The following NEK6 variants were observed in gnomAD, a reference collection of about 807,000 sequenced individuals.
NEK6 encodes the protein NIMA related kinase 6, also known as serine/threonine-protein kinase Nek6.
NEK6 carries 27 observed loss-of-function variants against 43.5 expected under a neutral mutation model. The observed-to-expected ratio is 0.62, with a 90% CI of 0.46 to 0.86. NEK6 has a LOEUF of 0.86. NEK6 is among the 40% of genes least tolerant of loss of function. NEK6 has a pLI of 0.00. For synonymous variants in NEK6, 167 were observed against 164.1 expected, an observed-to-expected ratio of 1.02 and a Z score of -0.14; for missense variants, 318 against 414.4, an observed-to-expected ratio of 0.77 and a Z score of 2.02.
rs543905862 is a variant in NEK6, at chr9:124,339,990, C to T, written c.717+325C>T. Among the ~76,000 whole-genome samples, 16 of 152,340 alleles carry T rather than the reference C, an allele frequency of 1.1e-4. No homozygotes were observed. In the East Asian group the frequency reaches 2.1e-3, roughly 20 times the overall value. ...CCTGGTAACCACATTAACACACCGG[C>T]GATTCTGTTCATCCTTTATTATGGG... On this transcript the variant is annotated intron_variant, in intron 8 of 9. Transcript: ENST00000320246.
intron 7 of NEK6, among the ~76,000 whole-genome samples, chr9:124,336,267 CAAG>C (rs1285023369): frequency 2.0e-5 from 3 of 152,014 alleles, no homozygotes; most frequent in African/African-American, 2.4e-5. Context: ...AAAGAAAAAA[CAAG>C]AATATAATCA....
At chr9:124,320,316 G>A (rs1834003844) in intron 4 of NEK6, among the ~76,000 whole-genome samples, 4 of 152,218 alleles carry the variant, frequency 2.6e-5, no homozygotes, top group African/African-American at 7.2e-5. Context: ...GCCTGCTCTG[G>A]CCCCCAGGGC....
chr9:124,319,401 A>G (rs1434862627), intron 4 of NEK6, among the ~76,000 whole-genome samples: 1 of 151,928 alleles, frequency 6.6e-6, no homozygotes, highest in African/African-American at 2.4e-5. Flanking sequence ...CATTCTGTCA[A>G]TTGTCTGTTT....
rs536636282 is a variant in NEK6 at position 124,298,021 on chromosome 9, C to G, written c.-29-3915C>G. ...CCAAGAGGCAGTAGATTCCTTGGAACAAAGAGGGAGTTTAGAGTCACTGAG... is the reference window on the plus strand; with the variant it reads ...CCAAGAGGCAGTAGATTCCTTGGAAGAAAGAGGGAGTTTAGAGTCACTGAG... On this transcript the variant is annotated intron_variant, in intron 1 of 9. Coordinates refer to ENST00000320246, the MANE Select transcript of NEK6 (RefSeq NM_014397.6). 2.0e-5 allele frequency among the ~76,000 whole-genome samples: 3 copies of G among 152,326 alleles called. No homozygotes were observed. In the East Asian group the frequency reaches 5.8e-4, roughly 29 times the overall value.
chr9:124,326,607 C>T lies in NEK6; in HGVS notation c.514+169C>T, dbSNP rs1834352312. ...ACCGCGCACACACACGCGCCCGGGT[C>T]AGGAACCTCCCCGAGGTGGAAAGTG... On this transcript the variant is annotated intron_variant, in intron 6 of 9. Coordinates refer to ENST00000320246, the MANE Select transcript of NEK6 (RefSeq NM_014397.6). The surrounding 1 kb of genome is among the most constrained non-coding windows in gnomAD (Gnocchi z 4.5). Among the ~76,000 whole-genome samples, 1 of 152,192 alleles carries T rather than the reference C, an allele frequency of 6.6e-6. No homozygotes were observed.
chr9:124,309,775 A>G (rs1833439503), intron 2 of NEK6, among the ~76,000 whole-genome samples: 1 of 152,188 alleles, frequency 6.6e-6, no homozygotes, highest in African/African-American at 2.4e-5. Context: ...TTATGAGGGT[A>G]TGTGATTTTG....
chr9:124,296,238 C>T (rs770613801), intron 1 of NEK6, among the ~76,000 whole-genome samples: 3 of 152,230 alleles, frequency 2.0e-5, no homozygotes, highest in East Asian at 1.9e-4. Flanking sequence ...TCGCTCGGGG[C>T]GGAGAGAAAG....
At chr9:124,318,494 C>T (rs1406553674) in intron 4 of NEK6, among the ~76,000 whole-genome samples, 1 of 152,166 alleles carries the variant, frequency 6.6e-6, no homozygotes. Flanking sequence ...ACTTCAGCCT[C>T]ATGAAGTGCT....
chr9:124,261,494 G>A (rs1411009936), intron 1 of NEK6: 4 of 985,340 alleles, frequency 4.1e-6, no homozygotes, highest in African/African-American at 1.7e-5. Flanking sequence ...GACACTGTTC[G>A]CAGGAAGAGT....
intron 7 of NEK6, 93 bp from the exon 8 acceptor site, chr9:124,339,478 C>T: frequency 2.4e-6 from 2 of 842,258 alleles, no homozygotes; most frequent in Non-Finnish European, 4.1e-6. Context: ...AATCTCTCCC[C>T]AGCTCCCGTG....
chr9:124,323,772 G>A (rs1261519476), intron 5 of NEK6, among the ~76,000 whole-genome samples: 1 of 152,160 alleles, frequency 6.6e-6, no homozygotes, highest in Non-Finnish European at 1.5e-5. Context: ...CCTCAGCTGA[G>A]AGAGAAGAGG....
intron 1 of NEK6, among the ~76,000 whole-genome samples, chr9:124,260,940 G>A (rs1263206066): frequency 6.6e-6 from 1 of 152,228 alleles, no homozygotes; most frequent in Non-Finnish European, 1.5e-5. Flanking sequence ...GAAGGTAGCA[G>A]GCACTGTGGG....
At chr9:124,297,666 G>A (rs1832758159) in intron 1 of NEK6, among the ~76,000 whole-genome samples, 1 of 152,256 alleles carries the variant, frequency 6.6e-6, no homozygotes, top group Non-Finnish European at 1.5e-5. Context: ...GTGGCCTGCA[G>A]CTCTGGGTCT....
At chr9:124,285,493 A>G (rs1303619566) in intron 1 of NEK6, among the ~76,000 whole-genome samples, 2 of 152,146 alleles carry the variant, frequency 1.3e-5, no homozygotes, top group East Asian at 1.9e-4. Context: ...GTCGATGGCC[A>G]CCATGACCCA....
intron 7 of NEK6, among the ~76,000 whole-genome samples, chr9:124,337,210 A>C (rs142202585): frequency 6.6e-6 from 1 of 152,102 alleles, no homozygotes. Context: ...AGCTCATCCA[A>C]TATGTGCCCT....
chr9:124,310,056 G>T (rs1177793610), intron 2 of NEK6, among the ~76,000 whole-genome samples: 1 of 152,198 alleles, frequency 6.6e-6, no homozygotes, highest in Non-Finnish European at 1.5e-5. Context: ...CGGTCAGGGG[G>T]TCTTGAGTGA....
intron 1 of NEK6, among the ~76,000 whole-genome samples, chr9:124,264,999 A>G (rs1831175567): frequency 6.6e-6 from 1 of 152,116 alleles, no homozygotes; most frequent in Non-Finnish European, 1.5e-5. Flanking sequence ...AGATACATGA[A>G]GTAGCCAGAA....
intron 1 of NEK6, among the ~76,000 whole-genome samples, chr9:124,280,683 C>A (rs1831864402): frequency 1.3e-5 from 2 of 152,232 alleles, no homozygotes; most frequent in Non-Finnish European, 2.9e-5. Flanking sequence ...TGGCACCTCG[C>A]TCTGTGGCTA....
At chr9:124,349,439 G>A (rs1830131867) in intron 9 of NEK6, among the ~76,000 whole-genome samples, 1 of 152,144 alleles carries the variant, frequency 6.6e-6, no homozygotes, top group Admixed American at 6.5e-5. Flanking sequence ...GAACATTGAA[G>A]CCCCTGTCCC....
Sources: gnomAD v4.1 joint callset for allele counts (sites outside exome capture counted in the v4.1 genomes callset) on GRCh38, gnomAD v4.1.1 for gene constraint, Gnocchi (gnomAD v3.1) non-coding constraint, MANE v1.5 for transcripts, NCBI Gene and HGNC (gene_info 2026-07-23, HGNC 2026-07-21) for gene names.